The following PLD5 variants were observed in gnomAD, a reference collection of about 807,000 sequenced individuals.
PLD5 encodes the protein phospholipase D family member 5.
A neutral mutation model predicts 61.1 loss-of-function variants in PLD5; 36 were observed. The observed-to-expected ratio is 0.59, with a 90% confidence interval of 0.45 to 0.78. The LOEUF is 0.78. Ranked by LOEUF, PLD5 falls within the 30% of genes least tolerant of loss-of-function variation. The probability of loss-of-function intolerance (pLI) is 0.00; values close to 1 mark genes in which losing one functional copy is unlikely to be tolerated. For missense variants in PLD5, 515 were observed against 644.4 expected (o/e 0.80, Z 2.17); for synonymous variants, 243 against 242.8 (o/e 1.00, Z -0.01).
chr1:242,334,601 T>C (rs1270371286), intron 2 of PLD5, among the ~76,000 whole-genome samples: 2 of 152,006 alleles, frequency 1.3e-5, no homozygotes, highest in African/African-American at 4.8e-5. Context: ...CCTGGGAGCA[T>C]AAAAATCAGG....
intron 5 of PLD5, among the ~76,000 whole-genome samples, chr1:242,163,906 A>G (rs562519611): frequency 7.2e-6 from 1 of 138,480 alleles, no homozygotes; most frequent in Non-Finnish European, 1.6e-5. Context: ...AGAGAGAGTT[A>G]TAAAATGTGT....
rs1292938123 is a variant in PLD5, at chr1:242,142,736, CTCTCTCTCTG to C, written c.736-18081_736-18072del. Among the ~76,000 whole-genome samples, 509 of 152,044 alleles carry C rather than the reference CTCTCTCTCTG, an allele frequency of 3.3e-3. 4 individuals are homozygous for C. Among genetic ancestry groups the C allele is most frequent in the African/African-American group, 0.012 (490 of 41,470 alleles). On this transcript the variant is annotated intron_variant, in intron 5 of 9. Transcript: ENST00000536534. Reference sequence around the variant, plus strand: ...TCTTTCTCTCTCTCTCTCTCTCTCTCTCTCTCTCTGTCTCTATCTCTCTGTCTCTCTGTCT... The same window carrying C: ...TCTTTCTCTCTCTCTCTCTCTCTCTCTCTCTATCTCTCTGTCTCTCTGTCT...
intron 1 of PLD5, among the ~76,000 whole-genome samples, chr1:242,389,925 T>G (rs1662826704): frequency 6.6e-6 from 1 of 152,134 alleles, no homozygotes; most frequent in Non-Finnish European, 1.5e-5. Flanking sequence ...TTTGGTGTTC[T>G]GCAGGAAATT....
intron 5 of PLD5, among the ~76,000 whole-genome samples, chr1:242,127,797 T>C (rs1662916904): frequency 6.6e-6 from 1 of 152,122 alleles, no homozygotes; most frequent in Admixed American, 6.5e-5. Flanking sequence ...GCTCAAAGAC[T>C]TATGGAATAT....
chr1:242,188,210 C>T lies in PLD5; in HGVS notation c.735+31778G>A, dbSNP rs554157333. Among the ~76,000 whole-genome samples the T allele has an allele frequency of 6.6e-5, 10 of 151,914 alleles. No individual in the cohort carries two copies. In the South Asian group the frequency reaches 1.0e-3, roughly 16 times the overall value. ...GATCACAGAGCGGCAAGAGGGAGGG[C>T]GGGAGAGAGAAGTTAAAGAGTTTTG... On this transcript the variant is annotated intron_variant, in intron 5 of 9. Transcript: ENST00000536534.
chr1:242,504,254 T>C (rs1668650837), intron 1 of PLD5, among the ~76,000 whole-genome samples: 1 of 152,220 alleles, frequency 6.6e-6, no homozygotes, highest in Admixed American at 6.5e-5. Context: ...TGTGTTGTTT[T>C]CATCATTCTG....
chr1:242,411,973 C>A (rs1664582987), intron 1 of PLD5, among the ~76,000 whole-genome samples: 1 of 151,994 alleles, frequency 6.6e-6, no homozygotes, highest in Non-Finnish European at 1.5e-5. Context: ...GCTGTGAGAC[C>A]AATGGGTACA....
chr1:242,231,398 C>A (rs1418298709), intron 4 of PLD5, among the ~76,000 whole-genome samples: 1 of 152,146 alleles, frequency 6.6e-6, no homozygotes, highest in Non-Finnish European at 1.5e-5. Context: ...GGATGGAGAT[C>A]CAGTAGCTTT....
chr1:242,278,505 G>A (rs1674537614), intron 3 of PLD5, among the ~76,000 whole-genome samples: 2 of 152,128 alleles, frequency 1.3e-5, no homozygotes, highest in South Asian at 4.2e-4. Context: ...CTCAACAGAT[G>A]GGGAAATGGC....
chr1:242,345,504 G>A (rs576249037), intron 2 of PLD5: 10 of 764,402 alleles, frequency 1.3e-5, no homozygotes, highest in South Asian at 8.3e-5. Context: ...ACATTGGCAA[G>A]GGATGAGATG....
intron 5 of PLD5, among the ~76,000 whole-genome samples, chr1:242,148,285 G>T (rs1370491931): frequency 2.0e-5 from 3 of 149,874 alleles, no homozygotes; most frequent in Non-Finnish European, 4.5e-5. Flanking sequence ...TTGCACCTTT[G>T]TTAAAAATCA....
At chr1:242,483,083 G>A (rs778951349) in intron 1 of PLD5, among the ~76,000 whole-genome samples, 5 of 152,092 alleles carry the variant, frequency 3.3e-5, no homozygotes, top group East Asian at 1.9e-4. Context: ...AGGAACAGCC[G>A]GTACCAGCCA....
chr1:242,238,070 C>T (rs1332381439), intron 4 of PLD5, among the ~76,000 whole-genome samples: 1 of 152,054 alleles, frequency 6.6e-6, no homozygotes, highest in Non-Finnish European at 1.5e-5. Flanking sequence ...TTACATTTCC[C>T]TTAGTTTAAG....
chr1:242,239,493 C>T lies in PLD5; in HGVS notation c.608-19378G>A, dbSNP rs548166266. On this transcript the variant is annotated intron_variant, in intron 4 of 9. Coordinates refer to ENST00000536534, the MANE Select transcript of PLD5 (RefSeq NM_001372062.1). ...GCTGAGGAGGTCTTTGAAGATCTTT[C>T]CTTTATGTGTGTGGCTGAGGAAATG... Among the ~76,000 whole-genome samples the T allele has an allele frequency of 2.6e-4, 39 of 152,254 alleles. 1 individual carries two copies. The South Asian group carries it at 7.7e-3, about 30-fold the overall frequency.
chr1:242,473,649 C>A (rs779258277), intron 1 of PLD5, among the ~76,000 whole-genome samples: 1 of 151,932 alleles, frequency 6.6e-6, no homozygotes, highest in Non-Finnish European at 1.5e-5. Context: ...AGTGTATACA[C>A]GAAGGACTGT....
At chr1:242,261,657 A>G (rs1673378468) in intron 4 of PLD5, among the ~76,000 whole-genome samples, 1 of 152,230 alleles carries the variant, frequency 6.6e-6, no homozygotes, top group Admixed American at 6.5e-5. Flanking sequence ...CAATTAAAAC[A>G]ACAATAACAC....
At chr1:242,094,610 A>G (rs1398053992) in intron 9 of PLD5, among the ~76,000 whole-genome samples, 1 of 152,114 alleles carries the variant, frequency 6.6e-6, no homozygotes, top group Non-Finnish European at 1.5e-5. Context: ...GCTTCAGTCT[A>G]GGGAATTAAC....
At chr1:242,233,154 A>AAATGAATGAATGAATGAATG (rs55916345) in intron 4 of PLD5, among the ~76,000 whole-genome samples, 6 of 149,962 alleles carry the variant, frequency 4.0e-5, no homozygotes, top group Middle Eastern at 3.4e-3. Flanking sequence ...ATTCTGACTC[A>AAATGAATGAATGAATGAATG]AATGAATGAA....
intron 1 of PLD5, among the ~76,000 whole-genome samples, chr1:242,387,192 C>A (rs1011647530): frequency 2.0e-5 from 3 of 152,178 alleles, no homozygotes; most frequent in Non-Finnish European, 2.9e-5. Flanking sequence ...AGTGTCCCAT[C>A]TATTAGATAC....
Sources: gnomAD v4.1 joint callset for allele counts (sites outside exome capture counted in the v4.1 genomes callset) on GRCh38, gnomAD v4.1.1 for gene constraint, MANE v1.5 for transcripts, NCBI Gene and HGNC (gene_info 2026-07-23, HGNC 2026-07-21) for gene names.